TSPAN9: variants seen among roughly 807,000 people sequenced by gnomAD.
TSPAN9 encodes the protein tetraspanin 9, also known as tetraspanin-9.
TSPAN9 carries 16 observed loss-of-function variants against 31.0 expected under a neutral mutation model. The ratio of observed to expected loss-of-function variants is 0.52; its 90% CI spans 0.35 to 0.78. TSPAN9 has a LOEUF of 0.78. Among genes scored for constraint, TSPAN9 ranks in the 30% least tolerant of loss-of-function variants. TSPAN9 has a pLI of 0.01. For missense variants in TSPAN9, 272 were observed against 312.5 expected (o/e 0.87, Z 0.98); for synonymous variants, 145 against 121.6 (o/e 1.19, Z -1.27).
chr12:3,278,869 G>A (rs1862845035), intron 4 of TSPAN9, 123 bp from the exon 5 acceptor site: 7 of 1,076,308 alleles, frequency 6.5e-6, no homozygotes, highest in Non-Finnish European at 9.8e-6. Context: ...TCCTCAGGAG[G>A]AGCTGGCTTC....
chr12:3,174,737 C>G (rs537326813), intron 2 of TSPAN9, among the ~76,000 whole-genome samples: 10 of 140,482 alleles, frequency 7.1e-5, no homozygotes, highest in African/African-American at 9.8e-5. Flanking sequence ...CGCCCACCAC[C>G]GCGCCCGGCT....
chr12:3,152,014 G>A (rs1232529940), intron 2 of TSPAN9, among the ~76,000 whole-genome samples: 45 of 152,224 alleles, frequency 3.0e-4, no homozygotes. Flanking sequence ...CAAATGGGAT[G>A]CCTGCTGGAG....
chr12:3,265,909 T>TCAGAG (rs1862528042), intron 3 of TSPAN9, among the ~76,000 whole-genome samples: 2 of 152,200 alleles, frequency 1.3e-5, no homozygotes, highest in Admixed American at 1.3e-4. Context: ...TGATCCTTTG[T>TCAGAG]AAAGTCAGAG....
intron 2 of TSPAN9, among the ~76,000 whole-genome samples, chr12:3,189,632 G>T (rs2098363271): frequency 6.6e-6 from 1 of 152,122 alleles, no homozygotes. Context: ...AGCCTGGATG[G>T]CTGATTCGAG....
chr12:3,141,031 T>C (rs2098334562), intron 2 of TSPAN9, among the ~76,000 whole-genome samples: 1 of 151,382 alleles, frequency 6.6e-6, no homozygotes, highest in African/African-American at 2.4e-5. Flanking sequence ...GGGGGAATTT[T>C]TGGGTTCCAT....
In TSPAN9 at chr12:3,285,258, T is replaced by C. The variant is rs1338453724; in HGVS notation, c.*2142T>C. The C allele has an allele frequency of 6.9e-6, 1 of 145,494 alleles. No individual in the cohort carries two copies. Among genetic ancestry groups the C allele is most frequent in the Non-Finnish European group, 1.5e-5 (1 of 66,276 alleles). The allele number at this position is 145,494 out of a possible 1,614,324, so 9.0% of individuals were successfully genotyped here. On this transcript the variant is annotated 3_prime_UTR_variant, in exon 9 of 9. Coordinates refer to ENST00000011898, the MANE Select transcript of TSPAN9 (RefSeq NM_006675.5). ...GGTGGGACCCGGGGCCTCGTGCGTT[T>C]TTTGCTGTGGGTGGGGTGGGTGGGT...
chr12:3,265,590 GC>G (rs1862523027), intron 3 of TSPAN9, among the ~76,000 whole-genome samples: 1 of 152,106 alleles, frequency 6.6e-6, no homozygotes, highest in African/African-American at 2.4e-5. Flanking sequence ...GCAGGTAGTC[GC>G]CCTCGGCTGG....
intron 2 of TSPAN9, among the ~76,000 whole-genome samples, chr12:3,104,104 G>A (rs2098313092): frequency 6.6e-6 from 1 of 152,228 alleles, no homozygotes; most frequent in South Asian, 2.1e-4. Context: ...GGAGTAGGAG[G>A]TGGGAGCACA....
intron 2 of TSPAN9, among the ~76,000 whole-genome samples, chr12:3,114,038 C>T (rs895173609): frequency 3.9e-5 from 6 of 152,340 alleles, no homozygotes; most frequent in East Asian, 3.9e-4. Flanking sequence ...ATAAACCCCA[C>T]GAGGACTTAA....
rs965341820 is a variant in TSPAN9 at position 3,192,401 on chromosome 12, G to C, written c.-17-8776G>C. Among the ~76,000 whole-genome samples, 2 of 152,252 alleles carry C rather than the reference G, an allele frequency of 1.3e-5. No individual in the cohort carries two copies. The highest frequency in any genetic ancestry group is 3.9e-4 in the East Asian group (2 of 5,166). On this transcript the variant is annotated intron_variant, in intron 2 of 8. Coordinates refer to ENST00000011898, the MANE Select transcript of TSPAN9 (RefSeq NM_006675.5). This position sits in a 1 kb window ranked among gnomAD's most constrained non-coding sequence, Gnocchi z 4.6. ...CCATGAAGCAGGGCTGGACAAGGGC[G>C]GGGACGAGGAGGATGCCAGGTGCAG...
At chr12:3,214,571 C>T (rs528435531) in intron 3 of TSPAN9, among the ~76,000 whole-genome samples, 1 of 152,152 alleles carries the variant, frequency 6.6e-6, no homozygotes, top group African/African-American at 2.4e-5. Context: ...CCCTGTTAGC[C>T]CATTTCCCAC....
At chr12:3,184,803 C>T (rs970445252) in intron 2 of TSPAN9, among the ~76,000 whole-genome samples, 11 of 152,208 alleles carry the variant, frequency 7.2e-5, no homozygotes, top group African/African-American at 2.7e-4. Context: ...CTCAAGCCAG[C>T]TCTCGGAGGC....
chr12:3,261,113 C>T (rs59778971), intron 3 of TSPAN9, among the ~76,000 whole-genome samples: 57,433 of 151,784 alleles, frequency 0.38, 12,876 homozygotes, highest in South Asian at 0.55. Flanking sequence ...GGAACCAGGT[C>T]GGGAGAGTGG....
At chr12:3,142,054 A>T (rs2098335119) in intron 2 of TSPAN9, among the ~76,000 whole-genome samples, 1 of 152,168 alleles carries the variant, frequency 6.6e-6, no homozygotes, top group Non-Finnish European at 1.5e-5. Context: ...CCAGGTGCTC[A>T]CAGGAATCCT....
chr12:3,079,938 TA>T (rs199695336), intron 1 of TSPAN9, among the ~76,000 whole-genome samples: 2 of 144,098 alleles, frequency 1.4e-5, no homozygotes, highest in Non-Finnish European at 3.1e-5. Flanking sequence ...CTCAGATAAT[TA>T]AAAAAATTTT....
At position 3,284,724 on chromosome 12, in the gene TSPAN9, G is replaced by C. The variant is rs538691480; in HGVS notation, c.*1608G>C. The C allele has an allele frequency of 6.6e-6, 1 of 152,250 alleles. No homozygotes were observed. The highest frequency in any genetic ancestry group is 1.5e-5 in the Non-Finnish European group (1 of 68,066). 9.4% of individuals were successfully genotyped at this position (152,250 alleles called of 1,614,324 possible). ...GCGAATCCGTGGGACTGAGCACGGG[G>C]ACCTCACCCGCTAGCCAGCGTCTGC... On this transcript the variant is annotated 3_prime_UTR_variant, in exon 9 of 9. Coordinates refer to ENST00000011898, the MANE Select transcript of TSPAN9 (RefSeq NM_006675.5).
At chr12:3,216,764 CA>C (rs1439858432) in intron 3 of TSPAN9, among the ~76,000 whole-genome samples, 1 of 152,240 alleles carries the variant, frequency 6.6e-6, no homozygotes, top group Non-Finnish European at 1.5e-5. Context: ...CTCTGCTTCC[CA>C]AAAACGTCCA....
At position 3,143,169 on chromosome 12, in the gene TSPAN9, G is replaced by A. The variant is rs188247259; in HGVS notation, c.-17-58008G>A. Among the ~76,000 whole-genome samples the A allele has an allele frequency of 1.3e-5, 2 of 151,940 alleles. No individual in the cohort carries two copies. The highest frequency in any genetic ancestry group is 3.4e-3 in the Middle Eastern group (1 of 292). On this transcript the variant is annotated intron_variant, in intron 2 of 8. Coordinates refer to ENST00000011898, the MANE Select transcript of TSPAN9 (RefSeq NM_006675.5). This position sits in a 1 kb window ranked among gnomAD's most constrained non-coding sequence, Gnocchi z 4.2. Reference sequence around the variant, plus strand: ...TGTGTGTCTTATTACTGGTGATGATGCCCTGCTCACTTGGAGAAGGTGATG... The same window carrying A: ...TGTGTGTCTTATTACTGGTGATGATACCCTGCTCACTTGGAGAAGGTGATG...
At chr12:3,139,463 T>C (rs777613357) in intron 2 of TSPAN9, among the ~76,000 whole-genome samples, 5 of 152,188 alleles carry the variant, frequency 3.3e-5, no homozygotes, top group Non-Finnish European at 7.3e-5. Flanking sequence ...GATGGTGGGA[T>C]TCGCTTCAGG....
Sources: allele counts gnomAD v4.1 joint callset (sites outside exome capture counted in the v4.1 genomes callset), GRCh38; gene constraint gnomAD v4.1.1; non-coding constraint Gnocchi (gnomAD v3.1); transcripts MANE v1.5; gene names NCBI Gene and HGNC (gene_info 2026-07-23, HGNC 2026-07-21).